LNX2: variants seen among roughly 807,000 people sequenced by gnomAD.
LNX2 encodes ligand of Numb protein X 2.
In LNX2, 35 loss-of-function variants were observed where a neutral mutation model predicts 66.2. The ratio of observed to expected loss-of-function variants is 0.53; its 90% CI spans 0.40 to 0.70. The LOEUF is 0.70. Among genes scored for constraint, LNX2 ranks in the 30% least tolerant of loss-of-function variants. LNX2 has a pLI of 0.00. For synonymous variants in LNX2, 337 were observed against 315.6 expected (o/e 1.07, Z -0.72); for missense variants, 791 against 850.8 (o/e 0.93, Z 0.87).
chr13:27,572,617 C>T (rs1228055456), intron 2 of LNX2, among the ~76,000 whole-genome samples: 2 of 152,160 alleles, frequency 1.3e-5, no homozygotes, highest in African/African-American at 4.8e-5. Flanking sequence ...CTTCTATTCC[C>T]ACTATTCTGG....
chr13:27,599,507 A>C (rs17085790), intron 1 of LNX2, among the ~76,000 whole-genome samples: 6,294 of 152,294 alleles, frequency 0.041, 161 homozygotes, highest in East Asian at 0.094. Flanking sequence ...CCTCATTGCA[A>C]TCTGAACTTA....
intron 1 of LNX2, among the ~76,000 whole-genome samples, chr13:27,601,028 T>G (rs1955652675): frequency 6.6e-6 from 1 of 152,250 alleles, no homozygotes; most frequent in South Asian, 2.1e-4. Flanking sequence ...CGGAAGAGTC[T>G]TATAAAGTCC....
chr13:27,548,340 C>G lies in LNX2; in HGVS notation c.2068G>C (p.Val690Leu), dbSNP rs761734844. The G allele has an allele frequency of 6.2e-7, 1 of 1,608,142 alleles. No homozygotes were observed. The highest frequency in any genetic ancestry group is 1.1e-5 in the South Asian group (1 of 89,614). The stretch of plus-strand genomic sequence containing the variant: ...TTGAAACCAATTTCCAAAATCTATA[C>G]AAGGCTGCCAGGCCAACAAATAACG... The part of the protein sequence containing the change: ...LTVICWPGSL[V>L] Residue 690 changes from valine to leucine, a missense_variant, in exon 10 of 10, where the codon GTA becomes CTA. By Grantham distance (32) the Val-to-Leu change is conservative (BLOSUM62 1). Transcript: ENST00000316334.
rs972686545 is a variant in LNX2 at position 27,581,383 on chromosome 13, T to C, written c.321A>G (p.Leu107=). 2.5e-6 allele frequency: 4 copies of C among 1,595,458 alleles called. No individual in the cohort carries two copies. The highest frequency in any genetic ancestry group is 3.4e-6 in the Non-Finnish European group (4 of 1,167,234). ...KKSSILVHKL[L]DKLLVLCPFS... Reference sequence around the variant, plus strand: ...ATGGACATAAAACTAATAATTTGTCTAGGAGTTTATGAACTAGAATACTAG... The same window carrying C: ...ATGGACATAAAACTAATAATTTGTCCAGGAGTTTATGAACTAGAATACTAG... Residue 107 remains leucine (L), a synonymous_variant, in exon 2 of 10, where the codon CTA becomes CTG. Transcript: ENST00000316334.
chr13:27,595,442 TTAA>T (rs903811707), intron 1 of LNX2, among the ~76,000 whole-genome samples: 1 of 151,398 alleles, frequency 6.6e-6, no homozygotes, highest in Non-Finnish European at 1.5e-5. Context: ...GAGTATGTGG[TTAA>T]TAATAAACCT....
chr13:27,553,817 T>C lies in LNX2; in HGVS notation c.1547-378A>G, dbSNP rs538016889. 5.3e-5 allele frequency among the ~76,000 whole-genome samples: 8 copies of C among 152,298 alleles called. 1 individual carries two copies. In the East Asian group the frequency reaches 1.3e-3, roughly 26 times the overall value. ...GTCCAATCAAAAATCACTTGATCCT[T>C]TGCCCTTAGAAATAAATCTTTAATG... is the stretch of plus-strand genomic sequence containing the variant. On this transcript the variant is annotated intron_variant, in intron 7 of 9. Coordinates refer to ENST00000316334, the MANE Select transcript of LNX2 (RefSeq NM_153371.4).
rs753982051 is a variant in LNX2, at chr13:27,562,643, A to T, written c.994T>A (p.Ser332Thr). The change falls in exon 5 of 10, where the codon TCT becomes ACT. Residue 332 changes from serine to threonine, a missense_variant. Ser to Thr is a moderately conservative substitution (Grantham distance 58). Transcript: ENST00000316334. ...NRAHNHSDSNSPREEIFQVAL... is the reference protein window; with the variant it reads ...NRAHNHSDSNTPREEIFQVAL... ...ACTTGGAAAATCTCTTCTCGTGGAG[A>T]GTTACTATCAGAATGGTTGTGTGCT... is the stretch of plus-strand genomic sequence containing the variant. The T allele has an allele frequency of 1.2e-6, 2 of 1,614,096 alleles. No individual in the cohort carries two copies. Among genetic ancestry groups the T allele is most frequent in the East Asian group, 4.5e-5 (2 of 44,854 alleles).
intron 1 of LNX2, among the ~76,000 whole-genome samples, chr13:27,592,605 G>A (rs1192060066): frequency 6.6e-6 from 1 of 152,104 alleles, no homozygotes; most frequent in South Asian, 2.1e-4. Context: ...GTGTAAAGAT[G>A]GTATGGAAAG....
At chr13:27,604,854 AAT>A (rs1955697014) in intron 1 of LNX2, among the ~76,000 whole-genome samples, 1 of 131,124 alleles carries the variant, frequency 7.6e-6, no homozygotes, top group African/African-American at 2.9e-5. Flanking sequence ...ATTTCTATTT[AAT>A]TTTTTTTTTT....
chr13:27,559,743 T>G lies in LNX2; in HGVS notation c.1368+99A>C. The stretch of plus-strand genomic sequence containing the variant: ...CTTTTTTTTAAAAAAACTGCTTTAT[T>G]GAGGTGTGACTGACACACAAAAAAA... On this transcript the variant is annotated intron_variant, in intron 6 of 9. Coordinates refer to ENST00000316334, the MANE Select transcript of LNX2 (RefSeq NM_153371.4). The G allele has an allele frequency of 2.5e-6, 3 of 1,190,052 alleles. No individual in the cohort carries two copies. In the South Asian group the frequency reaches 6.6e-5, roughly 26 times the overall value. The allele number at this position is 1,190,052 out of a possible 1,614,324, so 73.7% of individuals were successfully genotyped here.
intron 2 of LNX2, among the ~76,000 whole-genome samples, chr13:27,575,573 A>T (rs1955333031): frequency 6.6e-6 from 1 of 152,110 alleles, no homozygotes; most frequent in African/African-American, 2.4e-5. Context: ...CTGCCCTCAG[A>T]CTGGGATCAC....
Position 27,583,234 on chromosome 13 carries a change from G to GCGCGCGCGTCCTCTCCTATATAAC in LNX2, c.-100-1432_-100-1431insGTTATATAGGAGAGGACGCGCGCG, listed in dbSNP as rs1170984359. 7.4e-4 allele frequency among the ~76,000 whole-genome samples: 17 copies of GCGCGCGCGTCCTCTCCTATATAAC among 23,034 alleles called. 4 individuals are homozygous for GCGCGCGCGTCCTCTCCTATATAAC. The highest frequency in any genetic ancestry group is 1.4e-3 in the Non-Finnish European group (16 of 11,628). The allele number at this position is 23,034 out of a possible 152,430, so 15.1% of individuals were successfully genotyped here. ...TGTGTGTGTGTGTGTGTGTGTGTGT[G>GCGCGCGCGTCCTCTCCTATATAAC]TGTGTGTGTGTGTGTGTGTGTGCGC... On this transcript the variant is annotated intron_variant, in intron 1 of 9. Transcript: ENST00000316334.
intron 1 of LNX2, among the ~76,000 whole-genome samples, chr13:27,585,498 C>T (rs1955474874): frequency 6.6e-6 from 1 of 151,742 alleles, no homozygotes; most frequent in Non-Finnish European, 1.5e-5. Context: ...GTAATCTAAA[C>T]TCCTATCAAT....
chr13:27,583,932 C>A (rs1269949692), intron 1 of LNX2, among the ~76,000 whole-genome samples: 1 of 151,862 alleles, frequency 6.6e-6, no homozygotes, highest in Non-Finnish European at 1.5e-5. Context: ...GAAAAAAAAA[C>A]ATGGGACTGC....
chr13:27,611,247 C>T (rs755505549), intron 1 of LNX2, among the ~76,000 whole-genome samples: 19 of 152,162 alleles, frequency 1.2e-4, no homozygotes, highest in Non-Finnish European at 2.5e-4. Flanking sequence ...TATATGTATA[C>T]AATGGTATAT....
chr13:27,577,885 T>G (rs1425149489), intron 2 of LNX2, among the ~76,000 whole-genome samples: 1 of 152,192 alleles, frequency 6.6e-6, no homozygotes, highest in Non-Finnish European at 1.5e-5. Context: ...GAATGCTATA[T>G]AGCTGATGTT....
chr13:27,556,306 A>G lies in LNX2; in HGVS notation c.1476T>C (p.Gly492=). 1 of 1,614,032 alleles carries G rather than the reference A, an allele frequency of 6.2e-7. No homozygotes were observed. The highest frequency in any genetic ancestry group is 2.2e-5 in the East Asian group (1 of 44,866). ...TVAGGRGSKS[G]ELPIFVTSVP... The stretch of plus-strand genomic sequence containing the variant: ...CACTGGTCACAAAGATGGGCAGCTC[A>G]CCACTCTTACTTCCCCTGCCCCCAG... The change falls in exon 7 of 10, where the codon GGT becomes GGC. Residue 492 remains glycine (G), a synonymous_variant. Transcript: ENST00000316334.
At chr13:27,615,040 A>C (rs1418716617) in intron 1 of LNX2, among the ~76,000 whole-genome samples, 1 of 152,044 alleles carries the variant, frequency 6.6e-6, no homozygotes, top group Non-Finnish European at 1.5e-5. Context: ...AGCAGTGGAC[A>C]CCAGCTGAGT....
intron 1 of LNX2, among the ~76,000 whole-genome samples, chr13:27,607,967 T>C (rs913792583): frequency 6.6e-6 from 1 of 152,206 alleles, no homozygotes; most frequent in Non-Finnish European, 1.5e-5. Flanking sequence ...GCATCCATCA[T>C]TATCCTCTCC....
Sources: allele counts gnomAD v4.1 joint callset (sites outside exome capture counted in the v4.1 genomes callset), GRCh38; gene constraint gnomAD v4.1.1; transcripts MANE v1.5; gene names NCBI Gene and HGNC (gene_info 2026-07-23, HGNC 2026-07-21).